The following CCDC186 variants were observed in gnomAD, a reference collection of about 807,000 sequenced individuals.
CCDC186 encodes coiled-coil domain containing 186.
Under a neutral mutation model 113.7 loss-of-function variants are expected in CCDC186, and 49 were observed. That is an observed-to-expected ratio of 0.43 (90% CI 0.34 to 0.55). CCDC186 has a LOEUF of 0.55. Ranked by LOEUF, CCDC186 falls within the 20% of genes least tolerant of loss-of-function variation. The pLI is 0.02. For missense variants in CCDC186, 890 were observed against 1,011.1 expected (o/e 0.88, Z 1.62); for synonymous variants, 355 against 345.8 (o/e 1.03, Z -0.30).
At chr10:114,141,765 C>T (rs779153909) in intron 6 of CCDC186, among the ~76,000 whole-genome samples, 44 of 152,108 alleles carry the variant, frequency 2.9e-4, no homozygotes, top group Non-Finnish European at 4.6e-4. Context: ...TGCCTTGGTT[C>T]CCCATATTTT....
intron 6 of CCDC186, among the ~76,000 whole-genome samples, chr10:114,139,570 A>G (rs2031400453): frequency 2.0e-5 from 3 of 151,888 alleles, no homozygotes; most frequent in South Asian, 4.1e-4. Context: ...CTCAAAAAAA[A>G]AAAAGAAAAG....
intron 1 of CCDC186, chr10:114,168,182 G>A (rs2032390100): frequency 1.3e-5 from 2 of 152,086 alleles, no homozygotes; most frequent in South Asian, 4.1e-4. Context: ...AGTACTACAG[G>A]ACCAATTCAC....
At chr10:114,154,765 GA>G (rs2031961763) in intron 3 of CCDC186, among the ~76,000 whole-genome samples, 4 of 152,284 alleles carry the variant, frequency 2.6e-5, no homozygotes, top group African/African-American at 9.6e-5. Flanking sequence ...ACTAGCACGT[GA>G]ATGTTCACAG....
chr10:114,137,722 G>T (rs993846715), intron 6 of CCDC186, among the ~76,000 whole-genome samples: 1 of 151,962 alleles, frequency 6.6e-6, no homozygotes, highest in Non-Finnish European at 1.5e-5. Context: ...GACCAGCATG[G>T]TGAAACCCCG....
In CCDC186 at chr10:114,137,395, G is replaced by A. The variant is rs146297300; in HGVS notation, c.1222-105C>T. ...TCTTGTCCTAGCACTGTCACTGAGGGGCCGATTATTATTCTAGCAATAATA... is the reference window on the plus strand; with the variant it reads ...TCTTGTCCTAGCACTGTCACTGAGGAGCCGATTATTATTCTAGCAATAATA... On this transcript the variant is annotated intron_variant, in intron 6 of 15. Transcript: ENST00000369287. 5.8e-4 allele frequency: 393 copies of A among 680,718 alleles called. 2 individuals are homozygous for A. The East Asian group carries it at 9.2e-3, about 16-fold the overall frequency. The allele number at this position is 680,718 out of a possible 1,614,324, so 42.2% of individuals were successfully genotyped here.
At chr10:114,137,093 G>T in intron 7 of CCDC186, 93 bp downstream of exon 7, 1 of 904,654 alleles carries the variant, frequency 1.1e-6, no homozygotes, top group Non-Finnish European at 1.7e-6. Context: ...CTCCAGCCCG[G>T]GCGACAGAGC....
At chr10:114,144,277 T>C (rs565192307) in intron 6 of CCDC186, among the ~76,000 whole-genome samples, 8 of 152,218 alleles carry the variant, frequency 5.3e-5, no homozygotes, top group Admixed American at 2.6e-4. Flanking sequence ...ATGTAAATAA[T>C]GTGAGGACAT....
intron 2 of CCDC186, 159 bp downstream of exon 2, chr10:114,162,476 TCA>T: frequency 1.8e-6 from 1 of 540,832 alleles, no homozygotes; most frequent in Non-Finnish European, 3.1e-6. Flanking sequence ...CGACATTTGC[TCA>T]CACATTCAGC....
Position 114,129,897 on chromosome 10 carries a change from A to G in CCDC186, c.2176T>C (p.Ser726Pro). 6.2e-7 allele frequency: 1 copy of G among 1,613,438 alleles called. No homozygotes were observed. The highest frequency in any genetic ancestry group is 8.5e-7 in the Non-Finnish European group (1 of 1,179,544). The change falls in exon 13 of 16, where the codon TCA becomes CCA. Residue 726 changes from serine to proline, a missense_variant. By Grantham distance (74) the Ser-to-Pro change is moderately conservative. Transcript: ENST00000369287. ...AGAGCCACTAGTTTTTTACCTGATG[A>G]ACTAGAACGACTTCCCATGCTGCTG... ...EVSSMGSRSS[S>P]SGSLNARSSA...
chr10:114,163,968 C>T (rs754382954), intron 1 of CCDC186, among the ~76,000 whole-genome samples: 11 of 151,412 alleles, frequency 7.3e-5, no homozygotes, highest in Non-Finnish European at 1.3e-4. Flanking sequence ...TTCAAACATT[C>T]TCATCAGGAA....
chr10:114,139,115 T>C (rs76729680), intron 6 of CCDC186, among the ~76,000 whole-genome samples: 1,627 of 152,322 alleles, frequency 0.011, 37 homozygotes, highest in East Asian at 0.11. Flanking sequence ...GTTCGACTAC[T>C]ATCTGTTGAA....
intron 1 of CCDC186, among the ~76,000 whole-genome samples, chr10:114,165,418 G>A (rs2032306147): frequency 6.6e-6 from 1 of 152,238 alleles, no homozygotes; most frequent in Non-Finnish European, 1.5e-5. Context: ...TGTGGGCTGG[G>A]CGTGGTGGCT....
chr10:114,125,543 T>C (rs2030870981), intron 15 of CCDC186, among the ~76,000 whole-genome samples: 1 of 152,074 alleles, frequency 6.6e-6, no homozygotes, highest in Admixed American at 6.6e-5. Flanking sequence ...AAATAAAATA[T>C]TAACTGCAAA....
At position 114,135,977 on chromosome 10, in the gene CCDC186, T is replaced by C; in HGVS notation, c.1426A>G (p.Met476Val). Residue 476 changes from methionine (M) to valine (V), a missense_variant and splice_region_variant, in exon 9 of 16, where the codon ATG (methionine) becomes GTG (valine). Physicochemically the swap from Met to Val is conservative, Grantham distance 21. Transcript: ENST00000369287. The stretch of plus-strand genomic sequence containing the variant: ...AGTTCCTTTATTTTGGCATGATGCA[T>C]CTTTAAAAAAGTTTAAAAGAAACAA... The part of the protein sequence containing the change: ...QMQEKSDQLE[M>V]HHAKIKELED... 6.2e-7 allele frequency: 1 copy of C among 1,611,008 alleles called. No individual in the cohort carries two copies. The highest frequency in any genetic ancestry group is 8.5e-7 in the Non-Finnish European group (1 of 1,177,834).
At position 114,125,102 on chromosome 10, in the gene CCDC186, C is replaced by A; in HGVS notation, c.*41G>T. The A allele has an allele frequency of 1.4e-6, 2 of 1,453,204 alleles. No homozygotes were observed. Among genetic ancestry groups the A allele is most frequent in the South Asian group, 1.2e-5 (1 of 82,022 alleles). 90.0% of individuals were successfully genotyped at this position (1,453,204 alleles called of 1,614,324 possible). ...ACAATAGAGGTCAGTGGCACCTACT[C>A]CTGTGTGGCTTTTGTCTCTTTACTG... On this transcript the variant is annotated 3_prime_UTR_variant, in exon 16 of 16. Transcript: ENST00000369287.
chr10:114,135,353 C>T (rs918037005), intron 9 of CCDC186, among the ~76,000 whole-genome samples: 3 of 152,038 alleles, frequency 2.0e-5, no homozygotes, highest in African/African-American at 7.2e-5. Flanking sequence ...GTATGAAAAA[C>T]AATTTAAAAT....
intron 6 of CCDC186, among the ~76,000 whole-genome samples, chr10:114,139,836 C>T (rs2031410529): frequency 6.6e-6 from 1 of 152,108 alleles, no homozygotes; most frequent in African/African-American, 2.4e-5. Context: ...TTTTCTACTA[C>T]TATATCATTA....
intron 2 of CCDC186, among the ~76,000 whole-genome samples, chr10:114,161,380 C>T (rs923506401): frequency 1.3e-5 from 2 of 151,974 alleles, no homozygotes; most frequent in Admixed American, 6.6e-5. Flanking sequence ...ATGTAATATA[C>T]CAGGCACCTA....
rs372589365 is a variant in CCDC186 at position 114,131,902 on chromosome 10, T to C, written c.1911+27A>G. 1.1e-5 allele frequency: 17 copies of C among 1,564,650 alleles called. No individual in the cohort carries two copies. The African/African-American group carries it at 1.6e-4, about 15-fold the overall frequency. On this transcript the variant is annotated intron_variant, in intron 11 of 15. Transcript: ENST00000369287. ...TTTAATTTGTGCTTGTTACGTTGTTTTAAAAAAAATGTAAATTTATACTTA... is the reference window on the plus strand; with the variant it reads ...TTTAATTTGTGCTTGTTACGTTGTTCTAAAAAAAATGTAAATTTATACTTA...
Sources: allele counts gnomAD v4.1 joint callset (sites outside exome capture counted in the v4.1 genomes callset), GRCh38; gene constraint gnomAD v4.1.1; transcripts MANE v1.5; gene names NCBI Gene and HGNC (gene_info 2026-07-23, HGNC 2026-07-21).